The following HACL1 variants were observed in gnomAD, a reference collection of about 807,000 sequenced individuals.
HACL1 encodes the protein 2-hydroxyacyl-CoA lyase 1, also known as 1600020H07Rik.
A neutral mutation model predicts 74.2 loss-of-function variants in HACL1; 64 were observed. The observed-to-expected ratio is 0.86, with a 90% confidence interval of 0.70 to 1.06. HACL1 has a LOEUF of 1.06. HACL1 is among the 50% of genes least tolerant of loss of function. The pLI, the probability that HACL1 is intolerant of heterozygous loss-of-function variation, is 0.00. For missense variants in HACL1, 728 were observed against 719.7 expected, an observed-to-expected ratio of 1.01 and a Z score of -0.13; for synonymous variants, 230 against 238.8, an observed-to-expected ratio of 0.96 and a Z score of 0.34.
intron 4 of HACL1, 98 bp downstream of exon 4, chr3:15,591,502 T>TC (rs2063893188): frequency 3.2e-6 from 2 of 619,924 alleles, no homozygotes; most frequent in South Asian, 2.1e-5. Flanking sequence ...GTTTTTTTTT[T>TC]CCAAGTCTTT....
chr3:15,600,961 C>G, intron 2 of HACL1, 129 bp downstream of exon 2: 1 of 667,232 alleles, frequency 1.5e-6, no homozygotes, highest in South Asian at 1.7e-5. Flanking sequence ...TAATATTCAA[C>G]AGTGATTGAT....
chr3:15,568,071 T>C, intron 13 of HACL1, 69 bp from the exon 14 acceptor site: 1 of 1,277,036 alleles, frequency 7.8e-7, no homozygotes, highest in Non-Finnish European at 1.1e-6. Flanking sequence ...GGCACAAACC[T>C]TCTAGTCATA....
chr3:15,584,979 A>G (rs2063769938), intron 7 of HACL1, among the ~76,000 whole-genome samples: 1 of 152,188 alleles, frequency 6.6e-6, no homozygotes, highest in African/African-American at 2.4e-5. Context: ...CGAGGGATGT[A>G]TATTTATGGT....
intron 6 of HACL1, among the ~76,000 whole-genome samples, chr3:15,586,123 G>C (rs1180676091): frequency 2.0e-5 from 3 of 152,094 alleles, no homozygotes; most frequent in Non-Finnish European, 4.4e-5. Flanking sequence ...TTTCAGGTAA[G>C]GAATAATCAA....
At chr3:15,599,680 C>G (rs752421214) in intron 2 of HACL1, among the ~76,000 whole-genome samples, 11 of 152,200 alleles carry the variant, frequency 7.2e-5, no homozygotes, top group Non-Finnish European at 1.5e-4. Context: ...GTCACCCCTT[C>G]TGTGCTACTA....
chr3:15,583,657 T>C (rs932200387), intron 7 of HACL1, among the ~76,000 whole-genome samples: 5 of 144,732 alleles, frequency 3.5e-5, no homozygotes, highest in South Asian at 2.1e-4. Flanking sequence ...TTTTCTTTTC[T>C]TTTTTTTTTT....
chr3:15,591,716 A>C (rs1380146852), intron 3 of HACL1, 36 bp from the exon 4 acceptor site: 3 of 1,374,242 alleles, frequency 2.2e-6, no homozygotes, highest in Non-Finnish European at 2.1e-6. Context: ...AATCAGGTCA[A>C]ATGTAACAAC....
At chr3:15,585,373 TG>T in intron 6 of HACL1, 31 bp from the exon 7 acceptor site, 1 of 1,208,656 alleles carries the variant, frequency 8.3e-7, no homozygotes, top group Non-Finnish European at 1.2e-6. Flanking sequence ...AGAAAAGATT[TG>T]TAAAATCTCA....
At chr3:15,591,062 C>CAG (rs374683692) in intron 4 of HACL1, among the ~76,000 whole-genome samples, 1 of 152,198 alleles carries the variant, frequency 6.6e-6, no homozygotes, top group Non-Finnish European at 1.5e-5. Flanking sequence ...GCCTGGGCGA[C>CAG]AGAGAGACTC....
At position 15,568,407 on chromosome 3, in the gene HACL1, CTTCT is replaced by C. The variant is rs1243851736; in HGVS notation, c.1250+21_1250+24del. 6.9e-6 allele frequency: 10 copies of C among 1,446,002 alleles called. No individual in the cohort carries two copies. In the East Asian group the frequency reaches 1.1e-4, roughly 16 times the overall value. The allele number at this position is 1,446,002 out of a possible 1,614,324, so 89.6% of individuals were successfully genotyped here. ...TTAAACACATTATAATGAATTACGA[CTTCT>C]TTCTTCTTTAGAAGTCTTACCTGTG... On this transcript the variant is annotated intron_variant, in intron 13 of 16. Coordinates refer to ENST00000321169, the MANE Select transcript of HACL1 (RefSeq NM_012260.4).
intron 15 of HACL1, among the ~76,000 whole-genome samples, chr3:15,564,268 T>G (rs1401781207): frequency 6.6e-6 from 1 of 152,242 alleles, no homozygotes; most frequent in Non-Finnish European, 1.5e-5. Flanking sequence ...TTGCTCCCAG[T>G]CCAGGGAGCA....
chr3:15,597,033 C>T (rs1167072666), intron 2 of HACL1, among the ~76,000 whole-genome samples: 1 of 152,114 alleles, frequency 6.6e-6, no homozygotes, highest in Non-Finnish European at 1.5e-5. Context: ...TTTTCATTAT[C>T]ATTCTATTCA....
intron 4 of HACL1, among the ~76,000 whole-genome samples, chr3:15,590,028 C>G (rs1407820316): frequency 1.3e-5 from 2 of 151,022 alleles, no homozygotes; most frequent in East Asian, 4.0e-4. Flanking sequence ...GAGCAAGACT[C>G]TGTCTCAAAA....
chr3:15,564,484 A>G (rs2063397992), intron 15 of HACL1, 67 bp downstream of exon 15: 1 of 745,292 alleles, frequency 1.3e-6, no homozygotes, highest in Non-Finnish European at 2.4e-6. Flanking sequence ...GCCAATATAG[A>G]AGACTTTTTA....
Position 15,593,096 on chromosome 3 carries a change from CAT to C in HACL1, c.228-1418_228-1417del, listed in dbSNP as rs138528904. Reference sequence around the variant, plus strand: ...AAGTGTATATATACACACACATATACATATATGTGTGTGTATATATACACACA... The same window carrying C: ...AAGTGTATATATACACACACATATACATATGTGTGTGTATATATACACACA... On this transcript the variant is annotated intron_variant, in intron 3 of 16. Coordinates refer to ENST00000321169, the MANE Select transcript of HACL1 (RefSeq NM_012260.4). Among the ~76,000 whole-genome samples, 51 of 139,762 alleles carry C rather than the reference CAT, an allele frequency of 3.6e-4. 11 individuals are homozygous for C. The highest frequency in any genetic ancestry group is 1.4e-3 in the African/African-American group (47 of 33,064). 91.7% of individuals were successfully genotyped at this position (139,762 alleles called of 152,430 possible).
chr3:15,575,635 A>G (rs1488559413), intron 9 of HACL1, among the ~76,000 whole-genome samples: 1 of 151,940 alleles, frequency 6.6e-6, no homozygotes, highest in Non-Finnish European at 1.5e-5. Flanking sequence ...CTCTCCTCTC[A>G]GGCTTAAGCA....
chr3:15,592,459 TATAC>T lies in HACL1; in HGVS notation c.228-783_228-780del, dbSNP rs1400088299. 8.2e-5 allele frequency among the ~76,000 whole-genome samples: 9 copies of T among 109,490 alleles called. No individual in the cohort carries two copies. In the East Asian group the frequency reaches 1.4e-3, roughly 16 times the overall value. The allele number at this position is 109,490 out of a possible 152,430, so 71.8% of individuals were successfully genotyped here. A position where few individuals can be genotyped will look rare whatever the true frequency, so the allele number is the denominator to read the frequency against. On this transcript the variant is annotated intron_variant, in intron 3 of 16. Transcript: ENST00000321169. The stretch of plus-strand genomic sequence containing the variant: ...AGACACACGTATACATACACACACG[TATAC>T]ATACACACACGTATACATACACTTG...
intron 16 of HACL1, 78 bp downstream of exon 16, chr3:15,563,280 C>T: frequency 1.1e-6 from 1 of 925,576 alleles, no homozygotes; most frequent in East Asian, 2.4e-5. Flanking sequence ...AGAGGGTGTT[C>T]TGTTTGGTAG....
chr3:15,563,029 A>C (rs1423943612), intron 16 of HACL1, among the ~76,000 whole-genome samples: 1 of 152,114 alleles, frequency 6.6e-6, no homozygotes, highest in Non-Finnish European at 1.5e-5. Context: ...ACGTTTGCTC[A>C]GAACTGGATT....
Sources: gnomAD v4.1 joint callset for allele counts (sites outside exome capture counted in the v4.1 genomes callset) on GRCh38, gnomAD v4.1.1 for gene constraint, MANE v1.5 for transcripts, NCBI Gene and HGNC (gene_info 2026-07-23, HGNC 2026-07-21) for gene names.